Variants in AFG2A observed in about 807,000 individuals in gnomAD.
AFG2A encodes the protein AAA ATPase AFG2A, also known as ATPase family gene 2 protein homolog A.
the AFG2A span, among the ~76,000 whole-genome samples, chr4:123,245,399 A>G: frequency 1.3e-5 from 2 of 152,216 alleles, no homozygotes; most frequent in Non-Finnish European, 2.9e-5. Flanking sequence ...ATAGAGACAT[A>G]GGAAATGTTA....
chr4:123,224,954 A>G, the AFG2A span, among the ~76,000 whole-genome samples: 2 of 152,178 alleles, frequency 1.3e-5, no homozygotes, highest in Non-Finnish European at 2.9e-5. Flanking sequence ...CATTTCTCTG[A>G]TGGCCAGTGA....
the AFG2A span, among the ~76,000 whole-genome samples, chr4:123,189,330 A>G: frequency 6.6e-6 from 1 of 152,180 alleles, no homozygotes; most frequent in African/African-American, 2.4e-5. Context: ...TAAGTTTACC[A>G]CAAGTGGAGA....
chr4:123,035,741 A>T, the AFG2A span, among the ~76,000 whole-genome samples: 1 of 152,126 alleles, frequency 6.6e-6, no homozygotes, highest in Non-Finnish European at 1.5e-5. Flanking sequence ...AAAAGTCTTG[A>T]TGTGAAAATA....
chr4:123,258,241 G>A, the AFG2A span, among the ~76,000 whole-genome samples: 1 of 152,170 alleles, frequency 6.6e-6, no homozygotes, highest in Admixed American at 6.6e-5. Context: ...GTTCCCTGTT[G>A]AGGGTTTTTG....
At chr4:123,079,581 A>T in the AFG2A span, among the ~76,000 whole-genome samples, 2 of 152,012 alleles carry the variant, frequency 1.3e-5, no homozygotes, top group African/African-American at 4.8e-5. Context: ...ATTCTGTTTT[A>T]TCTAGTAGTG....
the AFG2A span, among the ~76,000 whole-genome samples, chr4:123,133,951 C>A: frequency 1.1e-4 from 16 of 152,008 alleles, no homozygotes; most frequent in African/African-American, 3.9e-4. Context: ...GAAGTTCTTT[C>A]CAGTTTTTAA....
At chr4:123,214,557 G>GCCTAGAAATATA in the AFG2A span, among the ~76,000 whole-genome samples, 1 of 151,210 alleles carries the variant, frequency 6.6e-6, no homozygotes, top group Non-Finnish European at 1.5e-5. Flanking sequence ...TGATAATGAG[G>GCCTAGAAATATA]AAAAACCATG....
At chr4:122,943,479 AT>A in the AFG2A span, among the ~76,000 whole-genome samples, 14 of 151,500 alleles carry the variant, frequency 9.2e-5, no homozygotes. Flanking sequence ...TTTGTTTTCC[AT>A]TTGCTTGGTA....
the AFG2A span, among the ~76,000 whole-genome samples, chr4:123,075,892 G>T: frequency 6.6e-6 from 1 of 151,566 alleles, no homozygotes; most frequent in Non-Finnish European, 1.5e-5. Flanking sequence ...AGGAGGCAGA[G>T]GTTGCAGTGA....
At chr4:123,101,626 G>A in the AFG2A span, among the ~76,000 whole-genome samples, 1 of 151,836 alleles carries the variant, frequency 6.6e-6, no homozygotes, top group African/African-American at 2.4e-5. Flanking sequence ...TATTGTATGA[G>A]GAGTTTTGTA....
At chr4:123,244,651 A>G in the AFG2A span, among the ~76,000 whole-genome samples, 7 of 152,226 alleles carry the variant, frequency 4.6e-5, no homozygotes, top group African/African-American at 9.6e-5. Context: ...TACATTTACC[A>G]TATCATCCAT....
the AFG2A span, among the ~76,000 whole-genome samples, chr4:123,246,888 TA>T: frequency 2.6e-5 from 4 of 152,204 alleles, no homozygotes; most frequent in Non-Finnish European, 5.9e-5. Flanking sequence ...CCTTGTCATT[TA>T]AAGCCCGGCT....
At chr4:123,252,899 A>G in the AFG2A span, among the ~76,000 whole-genome samples, 23 of 152,256 alleles carry the variant, frequency 1.5e-4, no homozygotes, top group African/African-American at 5.1e-4. Context: ...TGTCTGTTCT[A>G]TTTGACTCAG....
the AFG2A span, chr4:122,923,274 G>T: frequency 6.2e-7 from 1 of 1,614,090 alleles, no homozygotes. Context: ...CAACCTCCGG[G>T]ACTCTGACGG....
At chr4:123,028,938 G>C in the AFG2A span, among the ~76,000 whole-genome samples, 1 of 152,146 alleles carries the variant, frequency 6.6e-6, no homozygotes, top group Non-Finnish European at 1.5e-5. Context: ...ATATGTAGTT[G>C]TACACTTACT....
At chr4:123,020,934 C>T in the AFG2A span, among the ~76,000 whole-genome samples, 2 of 152,156 alleles carry the variant, frequency 1.3e-5, no homozygotes, top group Non-Finnish European at 2.9e-5. Flanking sequence ...TTGCCAAGTA[C>T]ATTTAATAAA....
the AFG2A span, among the ~76,000 whole-genome samples, chr4:123,248,696 G>A: frequency 2.6e-5 from 4 of 152,164 alleles, 1 homozygote; most frequent in East Asian, 1.9e-4. Flanking sequence ...GTAGAGAATT[G>A]CTGAATATCA....
chr4:123,055,713 C>T, the AFG2A span, among the ~76,000 whole-genome samples: 1 of 152,110 alleles, frequency 6.6e-6, no homozygotes, highest in Non-Finnish European at 1.5e-5. Flanking sequence ...CTCGTGCGCA[C>T]ACACAGAGAG....
chr4:123,284,939 A>G, the AFG2A span, among the ~76,000 whole-genome samples: 4 of 152,284 alleles, frequency 2.6e-5, no homozygotes, highest in African/African-American at 7.2e-5. Flanking sequence ...ATACTATTTC[A>G]TGTTTTACAA....
Sources: allele counts gnomAD v4.1 joint callset (sites outside exome capture counted in the v4.1 genomes callset), GRCh38; gene constraint gnomAD v4.1.1; transcripts MANE v1.5; gene names NCBI Gene and HGNC (gene_info 2026-07-23, HGNC 2026-07-21).